SCN10A: variants seen among roughly 807,000 people sequenced by gnomAD.
SCN10A encodes sodium voltage-gated channel alpha subunit 10, also known as sodium channel protein type 10 subunit alpha.
In SCN10A, 162 loss-of-function variants were observed where a neutral mutation model predicts 170.7. That is an observed-to-expected ratio of 0.95 (90% CI 0.84 to 1.08). The LOEUF is 1.08. Ranked by LOEUF, SCN10A falls within the 50% of genes least tolerant of loss-of-function variation. The pLI is 0.00. For synonymous variants in SCN10A, 985 were observed against 904.6 expected, an observed-to-expected ratio of 1.09 and a Z score of -1.59; for missense variants, 2,527 against 2,436.9, an observed-to-expected ratio of 1.04 and a Z score of -0.78.
chr3:38,707,433 T>A (rs1266286056), intron 25 of SCN10A, 50 bp from the exon 26 acceptor site: 2 of 1,586,990 alleles, frequency 1.3e-6, no homozygotes, highest in Admixed American at 3.4e-5. Context: ...CCCCTACGGA[T>A]ACCAAAATCA....
Position 38,714,031 on chromosome 3 carries a change from G to C in SCN10A, c.3731C>G (p.Ala1244Gly). ...TAKILEYSEV[A>G]PIKALRTLRA... ...AAGGGTTCGAAGGGCTTTGATGGGAGCCACTTCAGAATATTCCAGAATCTT... is the reference window on the plus strand; with the variant it reads ...AAGGGTTCGAAGGGCTTTGATGGGACCCACTTCAGAATATTCCAGAATCTT... Residue 1244 changes from alanine (A) to glycine (G), a missense_variant, in exon 22 of 28, where the codon GCT becomes GGT. Transcript: ENST00000449082. 1 of 1,614,196 alleles carries C rather than the reference G, an allele frequency of 6.2e-7. No individual in the cohort carries two copies.
At chr3:38,747,911 A>G (rs1243389785) in intron 13 of SCN10A, among the ~76,000 whole-genome samples, 1 of 152,022 alleles carries the variant, frequency 6.6e-6, no homozygotes, top group East Asian at 1.9e-4. Context: ...TTATATCTGA[A>G]TATCTATTCA....
chr3:38,783,779 C>A (rs9848976), intron 4 of SCN10A, among the ~76,000 whole-genome samples: 19,749 of 151,638 alleles, frequency 0.13, 1,356 homozygotes, highest in African/African-American at 0.17. Context: ...TAGATAATAC[C>A]CCTTGCTTTC....
chr3:38,766,133 G>A (rs148525974), intron 5 of SCN10A, among the ~76,000 whole-genome samples: 59 of 151,940 alleles, frequency 3.9e-4, no homozygotes, highest in African/African-American at 1.3e-3. Context: ...GGAGCTTTTT[G>A]GATGAGTCTT....
chr3:38,712,108 A>T, intron 23 of SCN10A, 53 bp downstream of exon 23: 1 of 1,582,288 alleles, frequency 6.3e-7, no homozygotes, highest in Non-Finnish European at 8.6e-7. Context: ...TAGACTCTCC[A>T]TTTTATTGAG....
chr3:38,755,442 C>G (rs911755463), intron 11 of SCN10A, among the ~76,000 whole-genome samples: 23 of 148,286 alleles, frequency 1.6e-4, no homozygotes, highest in Middle Eastern at 3.2e-3. Flanking sequence ...ACCTTTCCTA[C>G]AAACCGGGGT....
At chr3:38,781,146 C>T (rs2126049561) in intron 4 of SCN10A, among the ~76,000 whole-genome samples, 1 of 152,148 alleles carries the variant, frequency 6.6e-6, no homozygotes, top group Middle Eastern at 3.4e-3. Flanking sequence ...TGAACTATTT[C>T]TTAATCAGAT....
At chr3:38,702,151 G>A in intron 26 of SCN10A, 42 bp from the exon 27 acceptor site, 1 of 1,515,946 alleles carries the variant, frequency 6.6e-7, no homozygotes, top group Admixed American at 2.3e-5. Context: ...CTTTGGGCCA[G>A]CACAAACCAG....
intron 8 of SCN10A, among the ~76,000 whole-genome samples, chr3:38,759,912 G>A (rs1268665089): frequency 6.6e-6 from 1 of 152,220 alleles, no homozygotes; most frequent in Non-Finnish European, 1.5e-5. Context: ...AAATTGCAAA[G>A]TCTGATACAT....
intron 1 of SCN10A, among the ~76,000 whole-genome samples, chr3:38,810,808 A>G (rs2126066796): frequency 6.6e-6 from 1 of 152,348 alleles, no homozygotes; most frequent in Non-Finnish European, 1.5e-5. Context: ...TAGTCTCATT[A>G]GGTAAAAATG....
At chr3:38,791,901 C>T in intron 3 of SCN10A, 149 bp downstream of exon 3, 2 of 1,048,516 alleles carry the variant, frequency 1.9e-6, no homozygotes, top group Non-Finnish European at 1.4e-6. Flanking sequence ...ACATTAAAGG[C>T]CCAAGCCATT....
At position 38,739,659 on chromosome 3, in the gene SCN10A, C is replaced by G. The variant is rs2063609661; in HGVS notation, c.2136G>C (p.Met712Ile). Residue 712 changes from methionine (M) to isoleucine (I), a missense_variant, in exon 15 of 28, where the codon ATG (methionine) becomes ATC (isoleucine). By Grantham distance (10) the Met-to-Ile change is conservative (BLOSUM62 1). Transcript: ENST00000449082. ...GGTCGAAGGCAATGATTTTGAAGAC[C>G]ATTTCAGCAGTAAAAAATATGGTAA... ...IVFTIFFTAE[M>I]VFKIIAFDPY... 1 of 1,613,936 alleles carries G rather than the reference C, an allele frequency of 6.2e-7. No homozygotes were observed. Among genetic ancestry groups the G allele is most frequent in the South Asian group, 1.1e-5 (1 of 91,072 alleles).
intron 5 of SCN10A, among the ~76,000 whole-genome samples, chr3:38,769,924 C>T (rs567507724): frequency 6.6e-6 from 1 of 152,268 alleles, no homozygotes; most frequent in South Asian, 2.1e-4. Flanking sequence ...CTTGAAGTCT[C>T]CCAGCCATGG....
chr3:38,756,663 T>G lies in SCN10A; in HGVS notation c.1290+11A>C. On this transcript the variant is annotated intron_variant, in intron 10 of 27. Coordinates refer to ENST00000449082, the MANE Select transcript of SCN10A (RefSeq NM_006514.4). The stretch of plus-strand genomic sequence containing the variant: ...GCAACCTTCTTCACAAAGCTTCCAC[T>G]CCTCACAAACCTCCTGCTCCTTCCG... The G allele has an allele frequency of 6.2e-7, 1 of 1,610,312 alleles. No homozygotes were observed. Among genetic ancestry groups the G allele is most frequent in the Non-Finnish European group, 8.5e-7 (1 of 1,177,930 alleles).
chr3:38,707,475 C>A, intron 25 of SCN10A, 92 bp from the exon 26 acceptor site: 2 of 1,286,186 alleles, frequency 1.6e-6, no homozygotes, highest in South Asian at 1.3e-5. Context: ...TCATATCAAC[C>A]TTCTCCCCTC....
chr3:38,793,369 C>A (rs570644854), intron 2 of SCN10A, among the ~76,000 whole-genome samples: 38 of 152,224 alleles, frequency 2.5e-4, no homozygotes, highest in African/African-American at 8.9e-4. Context: ...ATTCATCCTG[C>A]TTTCTGTCCT....
rs115070820 is a variant in SCN10A at position 38,701,658 on chromosome 3, A to G, written c.4657+181T>C. 2.4e-3 allele frequency among the ~76,000 whole-genome samples: 360 copies of G among 152,330 alleles called. 1 individual carries two copies. The highest frequency in any genetic ancestry group is 8.2e-3 in the African/African-American group (340 of 41,572). On this transcript the variant is annotated intron_variant, in intron 27 of 27. Transcript: ENST00000449082. The stretch of plus-strand genomic sequence containing the variant: ...AAGGCCAAGAGAACCTCTTCATTTC[A>G]CTGAGAGAGCAGCCCAAGGCATTTA...
At chr3:38,796,695 C>A (rs1166292728) in intron 1 of SCN10A, among the ~76,000 whole-genome samples, 1 of 152,070 alleles carries the variant, frequency 6.6e-6, no homozygotes, top group Non-Finnish European at 1.5e-5. Context: ...CTGGCTAATC[C>A]TCTCTTATTC....
intron 22 of SCN10A, among the ~76,000 whole-genome samples, chr3:38,713,729 T>C (rs1486433453): frequency 2.0e-5 from 3 of 152,136 alleles, no homozygotes; most frequent in Non-Finnish European, 4.4e-5. Context: ...TCTCGCTCTG[T>C]CACCCAGGCT....
Sources: gnomAD v4.1 joint callset for allele counts (sites outside exome capture counted in the v4.1 genomes callset) on GRCh38, gnomAD v4.1.1 for gene constraint, MANE v1.5 for transcripts, NCBI Gene and HGNC (gene_info 2026-07-23, HGNC 2026-07-21) for gene names.